USP9X: variants seen among roughly 807,000 people sequenced by gnomAD.
USP9X encodes the protein ubiquitin specific peptidase 9 X-linked.
A neutral mutation model predicts 190.3 loss-of-function variants in USP9X; 7 were observed. That is an observed-to-expected ratio of 0.04 (90% confidence interval 0.02 to 0.07). The LOEUF (loss-of-function observed/expected upper bound fraction) is 0.07, where lower values mean the gene tolerates loss of function less well. Among genes scored for constraint, USP9X ranks in the 10% least tolerant of loss-of-function variants. USP9X has a pLI of 1.00. For missense variants in USP9X, 1,010 were observed against 1,916.9 expected (o/e 0.53, Z 8.83); for synonymous variants, 645 against 659.5 (o/e 0.98, Z 0.34).
rs900594042 is a variant in USP9X, at chrX:41,148,373, G to A, written c.1424G>A (p.Ser475Asn). 3 of 1,209,374 alleles carry A rather than the reference G, an allele frequency of 2.5e-6. No homozygotes were observed. The highest frequency in any genetic ancestry group is 1.8e-5 in the South Asian group (1 of 56,698). Residue 475 changes from serine (S) to asparagine (N), a missense_variant, in exon 12 of 45, where the codon AGT (serine) becomes AAT (asparagine). Ser to Asn is a conservative substitution (Grantham distance 46). Transcript: ENST00000378308. ...TGTCACTTAATTTTTTTCTAGGCCAGTTGGACAAATGCGAGTAAAAAGCAA... is the reference window on the plus strand; with the variant it reads ...TGTCACTTAATTTTTTTCTAGGCCAATTGGACAAATGCGAGTAAAAAGCAA... ...LDHLFDCFKA[S>N]WTNASKKQRE...
intron 11 of USP9X, 151 bp from the exon 12 acceptor site, chrX:41,148,218 T>A: frequency 7.1e-6 from 4 of 559,838 alleles, no homozygotes; most frequent in Non-Finnish European, 1.1e-5. Context: ...ATAAAAAAAA[T>A]ACCAGGCTAA....
At chrX:41,163,843 C>G (rs182562941) in intron 15 of USP9X, among the ~76,000 whole-genome samples, 1 of 110,375 alleles carries the variant, frequency 9.1e-6, no homozygotes, top group African/African-American at 3.3e-5. Flanking sequence ...ACAGAAATGC[C>G]CAGATTATCA....
At position 41,150,785 on chromosome X, in the gene USP9X, T is replaced by C. The variant is rs41305235; in HGVS notation, c.1627-136T>C. ...GCTTTTATTATTTAAATTAAACTCT[T>C]TACTGTAATTACAACATGATGCTTG... On this transcript the variant is annotated intron_variant, in intron 12 of 44. Transcript: ENST00000378308. 22,936 of 636,256 alleles carry C rather than the reference T, an allele frequency of 0.036. 382 individuals carry two copies. Among genetic ancestry groups the C allele is most frequent in the Non-Finnish European group, 0.046 (20,017 of 438,851 alleles). 52.4% of individuals were successfully genotyped at this position (636,256 alleles called of 1,213,427 possible).
At chrX:41,117,678 C>T (rs763131181) in intron 1 of USP9X, among the ~76,000 whole-genome samples, 3 of 100,222 alleles carry the variant, frequency 3.0e-5, no homozygotes, top group South Asian at 9.5e-4. Context: ...CCTGGGTTCA[C>T]GCCATTCTCC....
chrX:41,150,202 CAAAAGT>C (rs1361224905), intron 12 of USP9X, among the ~76,000 whole-genome samples: 1 of 109,380 alleles, frequency 9.1e-6, no homozygotes, highest in African/African-American at 3.3e-5. Flanking sequence ...TCCCTGTACG[CAAAAGT>C]AAAACAATCC....
intron 26 of USP9X, among the ~76,000 whole-genome samples, chrX:41,190,328 G>A (rs763538002): frequency 1.8e-4 from 20 of 110,705 alleles, no homozygotes; most frequent in Non-Finnish European, 3.4e-4. Flanking sequence ...GTCTGAAGTG[G>A]GAATGTCACT....
chrX:41,131,182 A>G (rs982700800), intron 3 of USP9X, among the ~76,000 whole-genome samples: 11 of 111,469 alleles, frequency 9.9e-5, no homozygotes, highest in Non-Finnish European at 1.1e-4. Flanking sequence ...GATTGTTATA[A>G]TAGTTTTATA....
In USP9X at chrX:41,172,777, A is replaced by G. The variant is rs776506342; in HGVS notation, c.3148+819A>G. Among the ~76,000 whole-genome samples the G allele has an allele frequency of 2.7e-5, 3 of 111,772 alleles. No individual in the cohort carries two copies. The South Asian group carries it at 1.1e-3, about 42-fold the overall frequency. On this transcript the variant is annotated intron_variant, in intron 21 of 44. Coordinates refer to ENST00000378308, the MANE Select transcript of USP9X (RefSeq NM_001039591.3). ...TTTTTTATCTGAATGTGGGCAAACT[A>G]TCACGTTTGATTAATGGTTTGTGTA...
chrX:41,121,739 C>T (rs1173203740), intron 1 of USP9X, among the ~76,000 whole-genome samples: 1 of 111,213 alleles, frequency 9.0e-6, no homozygotes, highest in Admixed American at 9.6e-5. Context: ...AGTTCTGATG[C>T]CTAGGCCTTA....
At chrX:41,220,572 C>T (rs1056668858) in intron 38 of USP9X, among the ~76,000 whole-genome samples, 2 of 112,363 alleles carry the variant, frequency 1.8e-5, no homozygotes, top group African/African-American at 6.5e-5. Flanking sequence ...AATATTTATA[C>T]TGAAGGGAGA....
At chrX:41,221,626 A>G in intron 38 of USP9X, among the ~76,000 whole-genome samples, 1 of 111,509 alleles carries the variant, frequency 9.0e-6, no homozygotes. Flanking sequence ...ACTAGAATTG[A>G]TGTAAGATGG....
At chrX:41,157,514 C>T (rs189344990) in intron 14 of USP9X, among the ~76,000 whole-genome samples, 3 of 110,984 alleles carry the variant, frequency 2.7e-5, no homozygotes, top group South Asian at 7.7e-4. Flanking sequence ...GCAGAGCTGT[C>T]GGAAGCTGTG....
intron 21 of USP9X, among the ~76,000 whole-genome samples, chrX:41,173,375 T>G (rs1040450762): frequency 8.9e-6 from 1 of 112,070 alleles, no homozygotes; most frequent in Non-Finnish European, 1.9e-5. Context: ...GTAGGGCTTT[T>G]GGGGAAAAAG....
At chrX:41,208,999 C>T (rs761930817) in intron 32 of USP9X, among the ~76,000 whole-genome samples, 3 of 111,613 alleles carry the variant, frequency 2.7e-5, no homozygotes, top group Non-Finnish European at 5.6e-5. Flanking sequence ...TGAGCCACCG[C>T]GCCCGGCCTT....
Position 41,225,075 on chromosome X carries a change from G to A in USP9X, c.6999G>A (p.Leu2333=), listed in dbSNP as rs1290802385. 1 of 1,211,780 alleles carries A rather than the reference G, an allele frequency of 8.3e-7. No individual in the cohort carries two copies. Among genetic ancestry groups the A allele is most frequent in the Non-Finnish European group, 1.1e-6 (1 of 895,459 alleles). ...TTGCATATTCCTATACCTATGAACT[G>A]CGGCCCTATTTGGATCTGCTTTTGC... is the stretch of plus-strand genomic sequence containing the variant. ...WQVAYSYTYE[L]RPYLDLLLQI... The change falls in exon 41 of 45, where the codon CTG becomes CTA. Residue 2333 remains leucine (L), a synonymous_variant. Coordinates refer to ENST00000378308, the MANE Select transcript of USP9X (RefSeq NM_001039591.3).
At chrX:41,150,800 C>A in intron 12 of USP9X, 121 bp from the exon 13 acceptor site, 1 of 722,736 alleles carries the variant, frequency 1.4e-6, no homozygotes, top group Non-Finnish European at 1.9e-6. Context: ...GTAATTACAA[C>A]ATGATGCTTG....
intron 18 of USP9X, 77 bp from the exon 19 acceptor site, chrX:41,169,918 C>G (rs1428939049): frequency 8.9e-7 from 1 of 1,119,215 alleles, no homozygotes; most frequent in Non-Finnish European, 1.2e-6. Context: ...GTGTTAAATC[C>G]CCAGCATTAT....
intron 1 of USP9X, among the ~76,000 whole-genome samples, chrX:41,112,888 G>A (rs1415181201): frequency 8.9e-6 from 1 of 112,454 alleles, no homozygotes; most frequent in Non-Finnish European, 1.9e-5. Context: ...TTCGATTGAG[G>A]CACCAAAAGA....
intron 21 of USP9X, among the ~76,000 whole-genome samples, chrX:41,182,941 T>G (rs909625341): frequency 9.2e-6 from 1 of 108,790 alleles, no homozygotes; most frequent in African/African-American, 3.3e-5. Context: ...ATCATAGTTT[T>G]TTTTTTTTTT....
Sources: gnomAD v4.1 joint callset for allele counts (sites outside exome capture counted in the v4.1 genomes callset) on GRCh38, gnomAD v4.1.1 for gene constraint, MANE v1.5 for transcripts, NCBI Gene and HGNC (gene_info 2026-07-23, HGNC 2026-07-21) for gene names.